Variants in NFAM1 observed in about 807,000 individuals in gnomAD.
NFAM1 encodes NFAT activation molecule 1.
In NFAM1, 17 loss-of-function variants were observed where a neutral mutation model predicts 29.0. That is an observed-to-expected ratio of 0.59 (90% CI 0.40 to 0.88). The LOEUF (loss-of-function observed/expected upper bound fraction) is 0.88. Ranked by LOEUF, NFAM1 falls within the 40% of genes least tolerant of loss-of-function variation. The pLI, the probability that NFAM1 is intolerant of heterozygous loss-of-function variation, is 0.00. For missense variants in NFAM1, 324 were observed against 344.6 expected (o/e 0.94, Z 0.47); for synonymous variants, 175 against 147.2 (o/e 1.19, Z -1.36).
At chr22:42,417,408 T>C (rs1331152783) in intron 1 of NFAM1, among the ~76,000 whole-genome samples, 1 of 152,116 alleles carries the variant, frequency 6.6e-6, no homozygotes, top group Non-Finnish European at 1.5e-5. Flanking sequence ...CCAGGTCCCA[T>C]GGGATCTGGG....
rs34963472 is a variant in NFAM1 at position 42,387,064 on chromosome 22, G to A, written c.678C>T (p.Arg226=). 230,138 of 1,578,490 alleles carry A rather than the reference G, an allele frequency of 0.15. 18,251 individuals carry two copies. The highest frequency in any genetic ancestry group is 0.19 in the Admixed American group (10,316 of 55,656). The change falls in exon 5 of 6, where the codon CGC becomes CGT. Residue 226 remains arginine, a synonymous_variant. Transcript: ENST00000329021. ...SESVYTALQR[R]ETEVYACIEN... ...CGATGCAGGCATAGACCTCGGTCTC[G>A]CGGCGCTGCAGAGCCTACAGGAAAC...
intron 4 of NFAM1, among the ~76,000 whole-genome samples, chr22:42,392,411 C>G (rs1285929705): frequency 2.6e-5 from 4 of 151,960 alleles, no homozygotes; most frequent in Non-Finnish European, 5.9e-5. Flanking sequence ...AATGGTGACC[C>G]TGAGAAGGAA....
Position 42,385,199 on chromosome 22 carries a change from C to T in NFAM1, c.775G>A (p.Asp259Asn), listed in dbSNP as rs1929095084. ...LSQERPHRFEDDGELNLVYEN... is the reference protein window; with the variant it reads ...LSQERPHRFENDGELNLVYEN... ...TAGACCAGGTTAAGTTCGCCATCAT[C>T]TTCGAATCTATGCGGTCTCTCCTGG... Residue 259 changes from aspartate to asparagine, a missense_variant, in exon 6 of 6, where the codon GAT becomes AAT. Physicochemically the swap from Asp to Asn is conservative, Grantham distance 23. Coordinates refer to ENST00000329021, the MANE Select transcript of NFAM1 (RefSeq NM_145912.8). The T allele has an allele frequency of 1.2e-6, 2 of 1,612,338 alleles. No individual in the cohort carries two copies. Among genetic ancestry groups the T allele is most frequent in the African/African-American group, 2.7e-5 (2 of 75,002 alleles).
intron 4 of NFAM1, among the ~76,000 whole-genome samples, chr22:42,394,629 T>C (rs543808113): frequency 5.3e-5 from 8 of 152,254 alleles, no homozygotes; most frequent in East Asian, 3.9e-4. Flanking sequence ...AAGTTCATAC[T>C]GTAAGTGCAC....
rs141225066 is a variant in NFAM1, at chr22:42,422,275, T to A, written c.121+9962A>T. Among the ~76,000 whole-genome samples the A allele has an allele frequency of 5.5e-3, 837 of 152,174 alleles. 8 individuals carry two copies. Among genetic ancestry groups the A allele is most frequent in the Non-Finnish European group, 7.9e-3 (538 of 67,992 alleles). Reference sequence around the variant, plus strand: ...CGGGAATAAGCCTCACAAGGGTCAATCAGTGTCTTTACAGCAGTTGCCTCC... The same window carrying A: ...CGGGAATAAGCCTCACAAGGGTCAAACAGTGTCTTTACAGCAGTTGCCTCC... On this transcript the variant is annotated intron_variant, in intron 1 of 5. Coordinates refer to ENST00000329021, the MANE Select transcript of NFAM1 (RefSeq NM_145912.8).
intron 1 of NFAM1, among the ~76,000 whole-genome samples, chr22:42,430,532 C>T (rs561261290): frequency 4.3e-5 from 6 of 138,708 alleles, no homozygotes; most frequent in Non-Finnish European, 9.0e-5. Flanking sequence ...TGCACTTCAG[C>T]CTGAGTGACA....
At position 42,417,465 on chromosome 22, in the gene NFAM1, C is replaced by G. The variant is rs754279596; in HGVS notation, c.122-5729G>C. ...CCTGGGGCGCAGGGAGGAAACGTCT[C>G]AAGGAGCCCCAGGTGTTTTCTGTGC... is the stretch of plus-strand genomic sequence containing the variant. On this transcript the variant is annotated intron_variant, in intron 1 of 5. Transcript: ENST00000329021. Among the ~76,000 whole-genome samples the G allele has an allele frequency of 2.0e-5, 3 of 152,186 alleles. No homozygotes were observed. The East Asian group carries it at 5.8e-4, about 29-fold the overall frequency.
Position 42,382,240 on chromosome 22 carries a change from G to A in NFAM1, c.*2921C>T. On this transcript the variant is annotated 3_prime_UTR_variant, in exon 6 of 6. Coordinates refer to ENST00000329021, the MANE Select transcript of NFAM1 (RefSeq NM_145912.8). The stretch of plus-strand genomic sequence containing the variant: ...CAGGCTAATTTTTGTATTTTTAGTA[G>A]AGACGGGGTTTCACCACGTTGGCCA... 1 of 152,386 alleles carries A rather than the reference G, an allele frequency of 6.6e-6. No individual in the cohort carries two copies. Among genetic ancestry groups the A allele is most frequent in the Middle Eastern group, 3.4e-3 (1 of 298 alleles). The allele number at this position is 152,386 out of a possible 1,614,324, so 9.4% of individuals were successfully genotyped here.
intron 3 of NFAM1, among the ~76,000 whole-genome samples, chr22:42,403,847 A>C (rs1199254919): frequency 6.6e-6 from 1 of 152,154 alleles, no homozygotes; most frequent in Non-Finnish European, 1.5e-5. Flanking sequence ...GGTGTCAGGG[A>C]AGAAAGCCAT....
In NFAM1 at chr22:42,387,012, C is replaced by A. The variant is rs756328699; in HGVS notation, c.730G>T (p.Ala244Ser). The change falls in exon 5 of 6, where the codon GCC becomes TCC. Residue 244 changes from alanine (A) to serine (S), a missense_variant. Transcript: ENST00000329021. ...ACCTGGGAGAGGGGGCTCTGCTTGGCGGTGGGTGAGCTGCCATCCTCATTC... is the reference window on the plus strand; with the variant it reads ...ACCTGGGAGAGGGGGCTCTGCTTGGAGGTGGGTGAGCTGCCATCCTCATTC... ...IENEDGSSPT[A>S]KQSPLSQERP... The A allele has an allele frequency of 6.3e-7, 1 of 1,575,092 alleles. No individual in the cohort carries two copies.
intron 1 of NFAM1, 72 bp downstream of exon 1, chr22:42,432,165 G>A (rs1930824358): frequency 1.5e-6 from 2 of 1,357,860 alleles, no homozygotes; most frequent in Non-Finnish European, 2.1e-6. Context: ...AATTAGCTGC[G>A]CCGGGCGGGA....
intron 3 of NFAM1, among the ~76,000 whole-genome samples, chr22:42,405,399 T>C (rs1304956145): frequency 1.3e-5 from 2 of 152,184 alleles, no homozygotes; most frequent in Non-Finnish European, 2.9e-5. Context: ...CCAGTTTCTG[T>C]GTCCACGCCC....
intron 1 of NFAM1, among the ~76,000 whole-genome samples, chr22:42,431,434 G>A (rs1930793153): frequency 6.6e-6 from 1 of 152,200 alleles, no homozygotes; most frequent in Non-Finnish European, 1.5e-5. Context: ...TTTGGCCAGA[G>A]GGAGGGTTGG....
chr22:42,409,566 G>A lies in NFAM1; in HGVS notation c.452-19C>T, dbSNP rs895473569. The A allele has an allele frequency of 3.1e-6, 4 of 1,282,414 alleles. No homozygotes were observed. Among genetic ancestry groups the A allele is most frequent in the South Asian group, 1.6e-5 (1 of 64,252 alleles). 79.4% of individuals were successfully genotyped at this position (1,282,414 alleles called of 1,614,324 possible). A position where few individuals can be genotyped will look rare whatever the true frequency, so the allele number is the denominator to read the frequency against. Reference sequence around the variant, plus strand: ...CCTGCGTCTAGGAGGAAGCGCAGGGGAGCAGAGGGGTCAGTGACCCAGGAG... The same window carrying A: ...CCTGCGTCTAGGAGGAAGCGCAGGGAAGCAGAGGGGTCAGTGACCCAGGAG... On this transcript the variant is annotated intron_variant, in intron 2 of 5. Coordinates refer to ENST00000329021, the MANE Select transcript of NFAM1 (RefSeq NM_145912.8). The surrounding 1 kb of genome is among the most constrained non-coding windows in gnomAD (Gnocchi z 4.9).
At chr22:42,435,351 T>C (rs1282885823), upstream of NFAM1, among the ~76,000 whole-genome samples, 1 of 148,252 alleles carries the variant, frequency 6.7e-6, no homozygotes, top group Non-Finnish European at 1.5e-5. Context: ...TTTCTTTCTT[T>C]TTTTTTTTTT....
intron 1 of NFAM1, among the ~76,000 whole-genome samples, chr22:42,431,953 C>A (rs1398345675): frequency 6.6e-6 from 1 of 152,234 alleles, no homozygotes; most frequent in Non-Finnish European, 1.5e-5. Context: ...CAGCGCCCAC[C>A]CTCCTTGTTT....
At chr22:42,410,959 G>A (rs773017612) in intron 2 of NFAM1, among the ~76,000 whole-genome samples, 54 of 151,720 alleles carry the variant, frequency 3.6e-4, no homozygotes, top group Non-Finnish European at 6.0e-4. Context: ...CCTGAAGTGG[G>A]TCTGCCTGCT....
At chr22:42,415,662 C>CACCCCATCTCCT (rs2147112187) in intron 1 of NFAM1, among the ~76,000 whole-genome samples, 1 of 152,324 alleles carries the variant, frequency 6.6e-6, no homozygotes, top group South Asian at 2.1e-4. Flanking sequence ...GCCCAGCTCC[C>CACCCCATCTCCT]ACCCCATCTC....
chr22:42,412,752 CTG>C (rs953881948), intron 1 of NFAM1, among the ~76,000 whole-genome samples: 2 of 152,228 alleles, frequency 1.3e-5, no homozygotes, highest in African/African-American at 4.8e-5. Flanking sequence ...CTCCCGGACT[CTG>C]GGCTCGGAGA....
Sources: gnomAD v4.1 joint callset for allele counts (sites outside exome capture counted in the v4.1 genomes callset) on GRCh38, gnomAD v4.1.1 for gene constraint, Gnocchi (gnomAD v3.1) non-coding constraint, MANE v1.5 for transcripts, NCBI Gene and HGNC (gene_info 2026-07-23, HGNC 2026-07-21) for gene names.